Variants in TRAF3 observed in about 807,000 individuals in gnomAD.
TRAF3 encodes the protein TNF receptor associated factor 3.
A neutral mutation model predicts 62.3 loss-of-function variants in TRAF3; 13 were observed. That is an observed-to-expected ratio of 0.21 (90% CI 0.14 to 0.33). TRAF3 has a LOEUF of 0.33. TRAF3 is among the 10% of genes least tolerant of loss of function. The probability of loss-of-function intolerance (pLI) is 1.00; values close to 1 mark genes in which losing one functional copy is unlikely to be tolerated. For synonymous variants in TRAF3, 269 were observed against 283.4 expected (o/e 0.95, Z 0.51); for missense variants, 440 against 741.8 (o/e 0.59, Z 4.73).
intron 1 of TRAF3, among the ~76,000 whole-genome samples, chr14:102,817,963 G>A (rs1175263727): frequency 2.0e-5 from 3 of 152,116 alleles, no homozygotes. Context: ...ATAGTTGTTT[G>A]GCAATCACCT....
Position 102,800,848 on chromosome 14 carries a change from G to A in TRAF3, c.-157+23173G>A, listed in dbSNP as rs542045719. On this transcript the variant is annotated intron_variant, in intron 1 of 11. Transcript: ENST00000392745. ...GTAGCGAGGACTACAGGCTTGTGCC[G>A]CCACACCCAGCTGATTTTTTAATTT... Among the ~76,000 whole-genome samples, 16 of 151,916 alleles carry A rather than the reference G, an allele frequency of 1.1e-4. No homozygotes were observed. The East Asian group carries it at 2.1e-3, about 20-fold the overall frequency.
intron 1 of TRAF3, among the ~76,000 whole-genome samples, 168 bp downstream of exon 1, chr14:102,777,843 CG>C (rs1428359699): frequency 1.4e-5 from 2 of 146,696 alleles, no homozygotes; most frequent in African/African-American, 4.9e-5. Context: ...CGGCGGGGCG[CG>C]GCTTCAGCCT....
In TRAF3 at chr14:102,907,225, C is replaced by T. The variant is rs2140017501; in HGVS notation, c.*1441C>T. 1 of 152,370 alleles carries T rather than the reference C, an allele frequency of 6.6e-6. No homozygotes were observed. Among genetic ancestry groups the T allele is most frequent in the South Asian group, 2.1e-4 (1 of 4,830 alleles). 9.4% of individuals were successfully genotyped at this position (152,370 alleles called of 1,614,324 possible). ...TGTCCCCACCGGGGCCGTGGGCACC[C>T]CCACAGCCCGAAGCAGAACCCTCTG... On this transcript the variant is annotated 3_prime_UTR_variant, in exon 12 of 12. Coordinates refer to ENST00000392745, the MANE Select transcript of TRAF3 (RefSeq NM_145725.3).
At chr14:102,850,951 C>T (rs561854897) in intron 2 of TRAF3, among the ~76,000 whole-genome samples, 20 of 152,256 alleles carry the variant, frequency 1.3e-4, no homozygotes, top group Admixed American at 3.3e-4. Context: ...AGGCAGTGGG[C>T]TATTAAATAG....
At chr14:102,901,189 A>T (rs1184648260) in intron 10 of TRAF3, among the ~76,000 whole-genome samples, 1 of 150,424 alleles carries the variant, frequency 6.6e-6, no homozygotes, top group African/African-American at 2.5e-5. Flanking sequence ...CTTGCTGGAG[A>T]CTCCCCGTTC....
At chr14:102,816,122 A>G (rs1395435849) in intron 1 of TRAF3, among the ~76,000 whole-genome samples, 4 of 151,644 alleles carry the variant, frequency 2.6e-5, no homozygotes, top group Non-Finnish European at 5.9e-5. Flanking sequence ...TTTTTTTAAG[A>G]AACAGGGTCT....
At chr14:102,871,362 G>T (rs748454795) in intron 3 of TRAF3, among the ~76,000 whole-genome samples, 1 of 152,222 alleles carries the variant, frequency 6.6e-6, no homozygotes, top group South Asian at 2.1e-4. Flanking sequence ...ACAGAACACC[G>T]TGTCTCCTAA....
chr14:102,839,040 T>C (rs1363049797), intron 2 of TRAF3, among the ~76,000 whole-genome samples: 1 of 152,070 alleles, frequency 6.6e-6, no homozygotes, highest in African/African-American at 2.4e-5. Context: ...AATCGGCTCA[T>C]GGTAGAAGCT....
At chr14:102,835,314 T>C (rs548593088) in intron 2 of TRAF3, among the ~76,000 whole-genome samples, 3 of 148,812 alleles carry the variant, frequency 2.0e-5, no homozygotes, top group South Asian at 4.3e-4. Flanking sequence ...GAGTGTAAAC[T>C]AGTTCAACCA....
At chr14:102,797,895 G>A (rs754013277) in intron 1 of TRAF3, among the ~76,000 whole-genome samples, 4 of 152,020 alleles carry the variant, frequency 2.6e-5, no homozygotes, top group Non-Finnish European at 5.9e-5. Context: ...GCACCACCAC[G>A]CCTGGCTAAG....
intron 1 of TRAF3, among the ~76,000 whole-genome samples, chr14:102,817,646 G>A (rs1348326181): frequency 6.6e-6 from 1 of 152,144 alleles, no homozygotes; most frequent in South Asian, 2.1e-4. Context: ...GGGGGAAAGA[G>A]GTATTATAGG....
chr14:102,863,377 T>C (rs1595372219), intron 2 of TRAF3, among the ~76,000 whole-genome samples: 4 of 152,242 alleles, frequency 2.6e-5, no homozygotes, highest in African/African-American at 7.2e-5. Flanking sequence ...TCCATTAATA[T>C]AGTGGTCAGC....
chr14:102,887,360 T>A (rs925564620), intron 7 of TRAF3, among the ~76,000 whole-genome samples: 11 of 152,238 alleles, frequency 7.2e-5, no homozygotes, highest in Admixed American at 3.9e-4. Flanking sequence ...AGAGGGCCCA[T>A]GTGGGGCTAG....
intron 1 of TRAF3, among the ~76,000 whole-genome samples, chr14:102,827,017 G>A (rs1355906085): frequency 6.6e-6 from 1 of 152,172 alleles, no homozygotes; most frequent in African/African-American, 2.4e-5. Context: ...GGAGGGACGG[G>A]CTCCGGCCAC....
intron 9 of TRAF3, among the ~76,000 whole-genome samples, chr14:102,895,976 G>A (rs1050343983): frequency 2.6e-5 from 4 of 152,100 alleles, no homozygotes; most frequent in Non-Finnish European, 2.9e-5. Flanking sequence ...TTCTCGTCAC[G>A]CTCTCATTAT....
At chr14:102,879,322 G>T (rs146868744) in intron 6 of TRAF3, among the ~76,000 whole-genome samples, 117 of 152,246 alleles carry the variant, frequency 7.7e-4, no homozygotes, top group African/African-American at 2.6e-3. Context: ...TCCAGGCCTG[G>T]AATGCGGTGA....
chr14:102,841,116 C>T (rs547413096), intron 2 of TRAF3, among the ~76,000 whole-genome samples: 1 of 152,176 alleles, frequency 6.6e-6, no homozygotes, highest in Admixed American at 6.5e-5. Flanking sequence ...AGGCAGTTTC[C>T]ATGTTTCAGG....
intron 9 of TRAF3, among the ~76,000 whole-genome samples, chr14:102,892,893 G>A (rs936055464): frequency 2.0e-5 from 3 of 152,190 alleles, no homozygotes; most frequent in South Asian, 2.1e-4. Flanking sequence ...ACTCATATTC[G>A]CAGAATCCTA....
chr14:102,851,493 C>T (rs1244879448), intron 2 of TRAF3, among the ~76,000 whole-genome samples: 1 of 152,164 alleles, frequency 6.6e-6, no homozygotes, highest in African/African-American at 2.4e-5. Flanking sequence ...GCCTGTAATC[C>T]CAGCACTTTG....
Sources: gnomAD v4.1 joint callset for allele counts (sites outside exome capture counted in the v4.1 genomes callset) on GRCh38, gnomAD v4.1.1 for gene constraint, MANE v1.5 for transcripts, NCBI Gene and HGNC (gene_info 2026-07-23, HGNC 2026-07-21) for gene names.